The following CAMK4 variants were observed in gnomAD, a reference collection of about 807,000 sequenced individuals.
CAMK4 encodes calcium/calmodulin dependent protein kinase IV.
Under a neutral mutation model 44.9 loss-of-function variants are expected in CAMK4, and 22 were observed. The observed-to-expected ratio is 0.49, with a 90% CI of 0.35 to 0.70. CAMK4 has a LOEUF of 0.70. Among genes scored for constraint, CAMK4 ranks in the 30% least tolerant of loss-of-function variants. CAMK4 has a pLI of 0.01. For synonymous variants in CAMK4, 218 were observed against 215.4 expected, an observed-to-expected ratio of 1.01 and a Z score of -0.11; for missense variants, 498 against 586.8, an observed-to-expected ratio of 0.85 and a Z score of 1.56.
At chr5:111,287,107 C>G (rs1485613606) in intron 1 of CAMK4, among the ~76,000 whole-genome samples, 4 of 152,126 alleles carry the variant, frequency 2.6e-5, no homozygotes, top group African/African-American at 9.7e-5. Flanking sequence ...CTTACTGAAA[C>G]TTTTTTTAAC....
At chr5:111,357,262 C>T (rs1478836452) in intron 2 of CAMK4, among the ~76,000 whole-genome samples, 4 of 151,984 alleles carry the variant, frequency 2.6e-5, no homozygotes, top group African/African-American at 9.7e-5. Context: ...GTGGTAAATG[C>T]CTTGTTACCA....
At chr5:111,413,130 G>C (rs1752688562) in intron 5 of CAMK4, among the ~76,000 whole-genome samples, 1 of 152,104 alleles carries the variant, frequency 6.6e-6, no homozygotes, top group Non-Finnish European at 1.5e-5. Flanking sequence ...GGGCTTGCCT[G>C]TCCTACATCA....
At chr5:111,310,495 G>A (rs1466596252) in intron 1 of CAMK4, among the ~76,000 whole-genome samples, 1 of 152,118 alleles carries the variant, frequency 6.6e-6, no homozygotes, top group African/African-American at 2.4e-5. Flanking sequence ...TTGGCAATAG[G>A]GGGTAATTGA....
intron 1 of CAMK4, among the ~76,000 whole-genome samples, chr5:111,281,883 C>T (rs1470664176): frequency 2.6e-5 from 4 of 151,672 alleles, no homozygotes; most frequent in Admixed American, 2.0e-4. Flanking sequence ...ACGGTGAAAC[C>T]CCGTCTCTAC....
intron 5 of CAMK4, among the ~76,000 whole-genome samples, chr5:111,400,156 A>T (rs1318264258): frequency 6.6e-6 from 1 of 151,998 alleles, no homozygotes; most frequent in African/African-American, 2.4e-5. Context: ...ACTAAGTTCC[A>T]GTTTAGGAGC....
chr5:111,298,129 G>C (rs1361478462), intron 1 of CAMK4, among the ~76,000 whole-genome samples: 1 of 152,030 alleles, frequency 6.6e-6, no homozygotes, highest in Non-Finnish European at 1.5e-5. Flanking sequence ...TTTTATGATT[G>C]AGCAATGGTA....
intron 3 of CAMK4, among the ~76,000 whole-genome samples, chr5:111,376,456 T>C (rs995108263): frequency 6.6e-6 from 1 of 152,016 alleles, no homozygotes; most frequent in Admixed American, 6.6e-5. Flanking sequence ...TAATTTTAAG[T>C]TTTGTAATTC....
chr5:111,347,681 CTCT>C (rs1749925364), intron 2 of CAMK4, among the ~76,000 whole-genome samples: 1 of 151,962 alleles, frequency 6.6e-6, no homozygotes, highest in Non-Finnish European at 1.5e-5. Context: ...CCAGATTTCT[CTCT>C]TCTTATAAAA....
intron 5 of CAMK4, among the ~76,000 whole-genome samples, chr5:111,442,462 A>C (rs553235473): frequency 6.5e-4 from 99 of 151,710 alleles, no homozygotes; most frequent in African/African-American, 2.3e-3. Context: ...GCACCACTGC[A>C]CTCCAGCCTG....
rs1755469207 is a variant in CAMK4, at chr5:111,482,567, C to T, written c.829-218C>T. ...AAGCCGTCTGCCACTTTGGGGGTCT[C>T]AGGTGGTACATGGCCCTGTCTTCTC... On this transcript the variant is annotated intron_variant, in intron 9 of 10. Transcript: ENST00000282356. The surrounding 1 kb of genome is among the most constrained non-coding windows in gnomAD (Gnocchi z 4.9). The T allele has an allele frequency of 2.8e-6, 1 of 353,786 alleles. No individual in the cohort carries two copies. The highest frequency in any genetic ancestry group is 5.0e-6 in the Non-Finnish European group (1 of 198,610). The allele number at this position is 353,786 out of a possible 1,614,324, so 21.9% of individuals were successfully genotyped here.
chr5:111,410,823 A>T (rs923745284), intron 5 of CAMK4, among the ~76,000 whole-genome samples: 1 of 152,184 alleles, frequency 6.6e-6, no homozygotes, highest in East Asian at 1.9e-4. Flanking sequence ...AGGCAATGCT[A>T]TAATAATATT....
chr5:111,267,441 G>A (rs2112574164), intron 1 of CAMK4, among the ~76,000 whole-genome samples: 1 of 152,194 alleles, frequency 6.6e-6, no homozygotes, highest in Middle Eastern at 3.4e-3. Context: ...TCTGGGCCGG[G>A]CGCGGTGGCT....
intron 5 of CAMK4, among the ~76,000 whole-genome samples, chr5:111,438,453 A>G (rs895463258): frequency 2.0e-4 from 30 of 152,344 alleles, no homozygotes; most frequent in African/African-American, 7.0e-4. Context: ...AACATGTGGT[A>G]TTCAGGATTA....
intron 1 of CAMK4, among the ~76,000 whole-genome samples, chr5:111,309,794 G>T (rs1748121380): frequency 6.6e-6 from 1 of 152,098 alleles, no homozygotes; most frequent in South Asian, 2.1e-4. Flanking sequence ...AATAAATGTG[G>T]GTTGGATATG....
upstream of CAMK4, chr5:111,224,119 C>A (rs114063690): frequency 0.019 from 3,545 of 186,718 alleles, 144 homozygotes; most frequent in African/African-American, 0.081. This position sits in a 1 kb window ranked among gnomAD's most constrained non-coding sequence, Gnocchi z 5.7. Context: ...CTAGCCGGCA[C>A]CGCGGCAGCC....
In CAMK4 at chr5:111,446,956, T is replaced by G. The variant is rs531789655; in HGVS notation, c.550+180T>G. On this transcript the variant is annotated intron_variant, in intron 6 of 10. Transcript: ENST00000282356. The stretch of plus-strand genomic sequence containing the variant: ...AGTTTTTGCTCTTTCCTGGAATGTT[T>G]ATTTGGAAAATATTGCTTAGAAGTT... Among the ~76,000 whole-genome samples the G allele has an allele frequency of 3.9e-5, 6 of 152,236 alleles. No individual in the cohort carries two copies. In the East Asian group the frequency reaches 5.8e-4, roughly 15 times the overall value.
In CAMK4 at chr5:111,486,497, T is replaced by TG. The variant is rs1755624351; in HGVS notation, c.*2032dup. ...CCTGTTGTACTTTTTACCATGAGAC[T>TG]GAAACACACACACACACACACACAC... On this transcript the variant is annotated 3_prime_UTR_variant, in exon 11 of 11. Coordinates refer to ENST00000282356, the MANE Select transcript of CAMK4 (RefSeq NM_001744.6). 1 of 69,102 alleles carries TG rather than the reference T, an allele frequency of 1.4e-5. No individual in the cohort carries two copies. The highest frequency in any genetic ancestry group is 1.9e-4 in the Admixed American group (1 of 5,212). The allele number at this position is 69,102 out of a possible 1,614,324, so 4.3% of individuals were successfully genotyped here.
intron 5 of CAMK4, among the ~76,000 whole-genome samples, chr5:111,401,775 T>C (rs941610094): frequency 6.6e-6 from 1 of 152,190 alleles, no homozygotes; most frequent in African/African-American, 2.4e-5. Context: ...AGGAAACAGC[T>C]ACCCCTAGGA....
chr5:111,226,980 A>G (rs1748221371), intron 1 of CAMK4, among the ~76,000 whole-genome samples: 1 of 152,214 alleles, frequency 6.6e-6, no homozygotes, highest in Non-Finnish European at 1.5e-5. Flanking sequence ...GTAAAAGATC[A>G]CAGAGTTAAA....
Sources: gnomAD v4.1 joint callset for allele counts (sites outside exome capture counted in the v4.1 genomes callset) on GRCh38, gnomAD v4.1.1 for gene constraint, Gnocchi (gnomAD v3.1) non-coding constraint, MANE v1.5 for transcripts, NCBI Gene and HGNC (gene_info 2026-07-23, HGNC 2026-07-21) for gene names.